The following OPA3 variants were observed in gnomAD, a reference collection of about 807,000 sequenced individuals.
The protein encoded by OPA3 is optic atrophy 3 protein.
A neutral mutation model predicts 4.0 loss-of-function variants in OPA3; 6 were observed. The ratio of observed to expected loss-of-function variants is 1.51; its 90% confidence interval spans 0.83 to 2.99. OPA3 has a LOEUF of 2.99. Among genes scored for constraint, OPA3 ranks in the 30% most tolerant of loss-of-function variants. The probability of loss-of-function intolerance (pLI) is 0.00; values close to 1 mark genes in which losing one functional copy is unlikely to be tolerated. For synonymous variants in OPA3, 105 were observed against 117.1 expected (o/e 0.90, Z 0.67); for missense variants, 235 against 256.2 (o/e 0.92, Z 0.56).
At chr19:45,582,804 C>A (rs368509267) in intron 1 of OPA3, among the ~76,000 whole-genome samples, 1 of 152,068 alleles carries the variant, frequency 6.6e-6, no homozygotes, top group East Asian at 1.9e-4. Context: ...GAATCTTGTA[C>A]CCTCCAGCTG....
intron 1 of OPA3, among the ~76,000 whole-genome samples, chr19:45,566,952 C>T (rs994774779): frequency 1.3e-5 from 2 of 152,022 alleles, no homozygotes; most frequent in African/African-American, 4.8e-5. Context: ...ACCCAAATGC[C>T]CATCACTAGG....
chr19:45,584,275 T>G, intron 1 of OPA3: 2 of 937,002 alleles, frequency 2.1e-6, no homozygotes, highest in Non-Finnish European at 1.3e-6. Context: ...CCGTCCGGTT[T>G]CTCCTCAGCC....
intron 1 of OPA3, among the ~76,000 whole-genome samples, chr19:45,564,772 T>C (rs1249891931): frequency 6.6e-6 from 1 of 152,184 alleles, no homozygotes; most frequent in African/African-American, 2.4e-5. Flanking sequence ...AGAGTTTGCA[T>C]TGTTCCCTGC....
chr19:45,584,284 C>A, intron 1 of OPA3: 3 of 959,438 alleles, frequency 3.1e-6, no homozygotes, highest in Non-Finnish European at 3.7e-6. Context: ...TTCTCCTCAG[C>A]CCCTCCCCTA....
At chr19:45,530,219 T>C (rs967506867) in intron 1 of OPA3, among the ~76,000 whole-genome samples, 2 of 152,118 alleles carry the variant, frequency 1.3e-5, no homozygotes, top group African/African-American at 2.4e-5. Context: ...CCGGGCGTGA[T>C]AGCGCGTGCC....
chr19:45,568,804 G>A (rs1210966904), intron 1 of OPA3, among the ~76,000 whole-genome samples: 1 of 152,122 alleles, frequency 6.6e-6, no homozygotes, highest in Non-Finnish European at 1.5e-5. Context: ...ATGGGGATGT[G>A]ACGCAGGGTG....
chr19:45,553,133 T>G lies in OPA3; in HGVS notation c.*381A>C. 1 of 1,180,260 alleles carries G rather than the reference T, an allele frequency of 8.5e-7. No homozygotes were observed. The highest frequency in any genetic ancestry group is 1.1e-6 in the Non-Finnish European group (1 of 946,302). 73.1% of individuals were successfully genotyped at this position (1,180,260 alleles called of 1,614,324 possible). ...AAGGTGTTCCAGTGTAACAGATGAG[T>G]GTCCCAGTAAAGGTTAACACTGATC... On this transcript the variant is annotated 3_prime_UTR_variant, in exon 2 of 2. Coordinates refer to ENST00000263275, the MANE Select transcript of OPA3 (RefSeq NM_025136.4).
chr19:45,540,474 T>C (rs532522705), intron 1 of OPA3, among the ~76,000 whole-genome samples: 83 of 148,510 alleles, frequency 5.6e-4, no homozygotes, highest in African/African-American at 2.0e-3. Flanking sequence ...AGTGGGAAGA[T>C]CGCTTGAGCC....
rs1206821396 is a variant in OPA3 at position 45,551,268 on chromosome 19, C to G, written c.*2246G>C. On this transcript the variant is annotated 3_prime_UTR_variant, in exon 2 of 2. Transcript: ENST00000263275. ...GGTGTGAGCCACTGCACCTGGACGCCAGCGTACTCTTGGGGTGAGGAGGAA... is the reference window on the plus strand; with the variant it reads ...GGTGTGAGCCACTGCACCTGGACGCGAGCGTACTCTTGGGGTGAGGAGGAA... 1 of 152,784 alleles carries G rather than the reference C, an allele frequency of 6.5e-6. No homozygotes were observed. Among genetic ancestry groups the G allele is most frequent in the East Asian group, 1.9e-4 (1 of 5,210 alleles). 9.5% of individuals were successfully genotyped at this position (152,784 alleles called of 1,614,324 possible). A position where few individuals can be genotyped will look rare whatever the true frequency, so the allele number is the denominator to read the frequency against.
rs1023926980 is a variant in OPA3 at position 45,570,952 on chromosome 19, ATGTTTTCGG to A, written c.142+13662_142+13670del. Among the ~76,000 whole-genome samples the A allele has an allele frequency of 2.5e-5, 3 of 117,702 alleles. No homozygotes were observed. In the Admixed American group the frequency reaches 3.1e-4, roughly 12 times the overall value. The allele number at this position is 117,702 out of a possible 152,430, so 77.2% of individuals were successfully genotyped here. A position where few individuals can be genotyped will look rare whatever the true frequency, so the allele number is the denominator to read the frequency against. ...TACTTAATAATGTCTGCATAGGAAA[ATGTTTTCGG>A]TGACAGCAAAACTATTTGGGGGGGG... On this transcript the variant is annotated intron_variant, in intron 1 of 1. Coordinates refer to ENST00000263275, the MANE Select transcript of OPA3 (RefSeq NM_025136.4).
intron 1 of OPA3, among the ~76,000 whole-genome samples, chr19:45,557,353 G>A (rs976679467): frequency 2.1e-4 from 32 of 152,174 alleles, no homozygotes; most frequent in African/African-American, 6.0e-4. Flanking sequence ...GCGGTCAGAT[G>A]TGGGGTTCAG....
At chr19:45,565,567 T>G (rs557596901) in intron 1 of OPA3, among the ~76,000 whole-genome samples, 1 of 151,894 alleles carries the variant, frequency 6.6e-6, no homozygotes, top group African/African-American at 2.4e-5. Flanking sequence ...GAGGCGGAGG[T>G]TGTGGTGAGC....
intron 1 of OPA3, among the ~76,000 whole-genome samples, chr19:45,582,672 T>C (rs1268478965): frequency 6.6e-6 from 1 of 151,252 alleles, no homozygotes; most frequent in East Asian, 1.9e-4. Context: ...AGTTCCTGGG[T>C]TGGGGGGCCA....
chr19:45,567,844 G>A (rs1969605919), intron 1 of OPA3, among the ~76,000 whole-genome samples: 1 of 152,170 alleles, frequency 6.6e-6, no homozygotes, highest in Admixed American at 6.6e-5. Context: ...AGGTGGTTAA[G>A]ATCATTTGCT....
At chr19:45,529,179 C>T in exon 2 of OPA3, 2 of 1,610,324 alleles carry the variant, frequency 1.2e-6, no homozygotes, top group Non-Finnish European at 1.7e-6. Context: ...ACGTCGCCTG[C>T]ACCTGCGCCT....
In OPA3 at chr19:45,548,267, G is replaced by A. The variant is rs908586214; in HGVS notation, c.*5247C>T. ...GCCAATAGATCAGGTTGGGGCTTAT[G>A]TAAAGCCCATTTTCTCCTGGGGTGG... On this transcript the variant is annotated 3_prime_UTR_variant, in exon 2 of 2. Transcript: ENST00000263275. 5.6e-5 allele frequency: 55 copies of A among 985,414 alleles called. No individual in the cohort carries two copies. The African/African-American group carries it at 9.3e-4, about 17-fold the overall frequency. 61.0% of individuals were successfully genotyped at this position (985,414 alleles called of 1,614,324 possible). A position where few individuals can be genotyped will look rare whatever the true frequency, so the allele number is the denominator to read the frequency against.
In OPA3 at chr19:45,548,242, GC is replaced by G; in HGVS notation, c.*5271del. The G allele has an allele frequency of 1.0e-6, 1 of 985,630 alleles. No homozygotes were observed. Among genetic ancestry groups the G allele is most frequent in the Non-Finnish European group, 1.2e-6 (1 of 829,980 alleles). The allele number at this position is 985,630 out of a possible 1,614,324, so 61.1% of individuals were successfully genotyped here. The stretch of plus-strand genomic sequence containing the variant: ...GACCAGCCCAGGAGTAGCTCCGTGA[GC>G]CAATAGATCAGGTTGGGGCTTATGT... On this transcript the variant is annotated 3_prime_UTR_variant, in exon 2 of 2. Coordinates refer to ENST00000263275, the MANE Select transcript of OPA3 (RefSeq NM_025136.4).
intron 1 of OPA3, among the ~76,000 whole-genome samples, chr19:45,577,139 G>C (rs1195966514): frequency 6.6e-6 from 1 of 152,182 alleles, no homozygotes; most frequent in Non-Finnish European, 1.5e-5. Flanking sequence ...TTTAAACAAA[G>C]GAATTCTGTG....
rs1215094410 is a variant in OPA3 at position 45,559,335 on chromosome 19, CTTTCTTTCTTTCTTTTCT to C, written c.143-5442_143-5425del. On this transcript the variant is annotated intron_variant, in intron 1 of 1. Coordinates refer to ENST00000263275, the MANE Select transcript of OPA3 (RefSeq NM_025136.4). ...TACTTAAAAGAATATGGACAATGGT[CTTTCTTTCTTTCTTTTCT>C]TTTCTTTCTTTCTCTTCTCTCTCTT... Among the ~76,000 whole-genome samples, 93 of 148,592 alleles carry C rather than the reference CTTTCTTTCTTTCTTTTCT, an allele frequency of 6.3e-4. 1 individual carries two copies. Among genetic ancestry groups the C allele is most frequent in the Admixed American group, 1.6e-3 (24 of 14,834 alleles).
Sources: gnomAD v4.1 joint callset for allele counts (sites outside exome capture counted in the v4.1 genomes callset) on GRCh38, gnomAD v4.1.1 for gene constraint, MANE v1.5 for transcripts, NCBI Gene and HGNC (gene_info 2026-07-23, HGNC 2026-07-21) for gene names.